CFHR1: variants seen among roughly 807,000 people sequenced by gnomAD.
CFHR1 encodes the protein complement factor H related 1, also known as complement factor H-related protein 1.
In CFHR1, 22 loss-of-function variants were observed where a neutral mutation model predicts 30.4. The ratio of observed to expected loss-of-function variants is 0.72; its 90% CI spans 0.52 to 1.03. The LOEUF (loss-of-function observed/expected upper bound fraction) is 1.03. Ranked by LOEUF, CFHR1 falls within the 50% of genes least tolerant of loss-of-function variation. CFHR1 has a pLI of 0.00. For missense variants in CFHR1, 248 were observed against 380.6 expected (o/e 0.65, Z 2.90); for synonymous variants, 95 against 129.1 (o/e 0.74, Z 1.79).
intron 4 of CFHR1, among the ~76,000 whole-genome samples, 182 bp downstream of exon 4, chr1:196,828,428 G>C (rs388134): frequency 7.5e-6 from 1 of 133,992 alleles, no homozygotes. Context: ...TATTATTTTT[G>C]AGAAAGATTC....
intron 4 of CFHR1, among the ~76,000 whole-genome samples, chr1:196,829,859 T>C (rs419436): frequency 0.98 from 130,488 of 133,152 alleles, 64,365 homozygotes; most frequent in East Asian, 1. Flanking sequence ...AGTTTTCAGG[T>C]ATCCTTTTAT....
At position 196,830,143 on chromosome 1, in the gene CFHR1, A is replaced by G. The variant is rs1482427284; in HGVS notation, c.608-357A>G. Among the ~76,000 whole-genome samples the G allele has an allele frequency of 1.1e-4, 15 of 135,376 alleles. 5 individuals carry two copies. Among genetic ancestry groups the G allele is most frequent in the Non-Finnish European group, 2.3e-4 (15 of 64,364 alleles). The allele number at this position is 135,376 out of a possible 152,430, so 88.8% of individuals were successfully genotyped here. A position where few individuals can be genotyped will look rare whatever the true frequency, so the allele number is the denominator to read the frequency against. On this transcript the variant is annotated intron_variant, in intron 4 of 5. Transcript: ENST00000320493. ...TTTTTAAGAACCATCATCAATTTCA[A>G]AACCCGTGTCCTCTTAGTGTTACTC... is the stretch of plus-strand genomic sequence containing the variant.
intron 5 of CFHR1, 81 bp downstream of exon 5, chr1:196,830,763 A>T: frequency 6.9e-6 from 10 of 1,443,896 alleles, no homozygotes; most frequent in Non-Finnish European, 8.5e-6. Context: ...AAATAATCAC[A>T]GATTATTGAA....
At position 196,828,008 on chromosome 1, in the gene CFHR1, A is replaced by G. The variant is rs1164988833; in HGVS notation, c.431-62A>G. On this transcript the variant is annotated intron_variant, in intron 3 of 5. Coordinates refer to ENST00000320493, the MANE Select transcript of CFHR1 (RefSeq NM_002113.3). ...CGTCTTGAAACATATTTGTAACTGT[A>G]TTAGTTGATTTGCTACTCAAAATGA... 6.4e-6 allele frequency: 9 copies of G among 1,395,932 alleles called. 1 individual carries two copies. In the African/African-American group the frequency reaches 9.9e-5, roughly 15 times the overall value. 86.5% of individuals were successfully genotyped at this position (1,395,932 alleles called of 1,614,324 possible).
rs1415663555 is a variant in CFHR1, at chr1:196,830,698, T to A, written c.790+16T>A. On this transcript the variant is annotated intron_variant, in intron 5 of 5. Transcript: ENST00000320493. Reference sequence around the variant, plus strand: ...AAATGCTTACGTAAGTACTTTAATATTCACGTGGCTGGAAAAATCAGTGTG... The same window carrying A: ...AAATGCTTACGTAAGTACTTTAATAATCACGTGGCTGGAAAAATCAGTGTG... 1 of 1,521,256 alleles carries A rather than the reference T, an allele frequency of 6.6e-7. No homozygotes were observed. The highest frequency in any genetic ancestry group is 1.7e-5 in the African/African-American group (1 of 57,800). The allele number at this position is 1,521,256 out of a possible 1,614,324, so 94.2% of individuals were successfully genotyped here. A position where few individuals can be genotyped will look rare whatever the true frequency, so the allele number is the denominator to read the frequency against.
rs1055884587 is a variant in CFHR1 at position 196,830,519 on chromosome 1, G to A, written c.627G>A (p.Gly209=). 2.6e-6 allele frequency: 4 copies of A among 1,524,724 alleles called. 1 individual carries two copies. The African/African-American group carries it at 6.9e-5, about 26-fold the overall frequency. 94.4% of individuals were successfully genotyped at this position (1,524,724 alleles called of 1,614,324 possible). ...TTTTAGATTCTACGGGAAAATGTGG[G>A]CCCCCTCCACCTATTGACAATGGGG... The part of the protein sequence containing the change: ...PQCKDSTGKC[G]PPPPIDNGDI... Residue 209 remains glycine (G), a synonymous_variant, in exon 5 of 6, where the codon GGG becomes GGA. Coordinates refer to ENST00000320493, the MANE Select transcript of CFHR1 (RefSeq NM_002113.3).
chr1:196,830,781 T>C, intron 5 of CFHR1, 99 bp downstream of exon 5: 2 of 1,406,572 alleles, frequency 1.4e-6, no homozygotes, highest in Non-Finnish European at 1.9e-6. Context: ...GAACAACCAT[T>C]CTGCTGAATG....
chr1:196,829,560 C>T (rs1655464145), intron 4 of CFHR1, among the ~76,000 whole-genome samples: 1 of 134,034 alleles, frequency 7.5e-6, no homozygotes, highest in Admixed American at 7.2e-5. Flanking sequence ...ATATTTACCC[C>T]TTTACTTGTA....
chr1:196,825,225 C>A, intron 1 of CFHR1: 1 of 337,168 alleles, frequency 3.0e-6, no homozygotes, highest in Non-Finnish European at 5.3e-6. Flanking sequence ...GAAGACAATG[C>A]AGGAGAGTTC....
In CFHR1 at chr1:196,829,783, T is replaced by C. The variant is rs576063073; in HGVS notation, c.608-717T>C. Among the ~76,000 whole-genome samples, 4 of 135,550 alleles carry C rather than the reference T, an allele frequency of 3.0e-5. 1 individual carries two copies. The South Asian group carries it at 1.0e-3, about 34-fold the overall frequency. 88.9% of individuals were successfully genotyped at this position (135,550 alleles called of 152,430 possible). A position where few individuals can be genotyped will look rare whatever the true frequency, so the allele number is the denominator to read the frequency against. ...TGTATATTGGTATAAATTCCAATGT[T>C]TTTATCCTCTTTGGAGTTCACTCAG... On this transcript the variant is annotated intron_variant, in intron 4 of 5. Coordinates refer to ENST00000320493, the MANE Select transcript of CFHR1 (RefSeq NM_002113.3).
At chr1:196,831,723 T>C in intron 5 of CFHR1, 74 bp from the exon 6 acceptor site, 5 of 1,409,118 alleles carry the variant, frequency 3.5e-6, no homozygotes, top group Non-Finnish European at 4.8e-6. Context: ...TATAACATTC[T>C]ACTTGAAAAC....
Position 196,828,076 on chromosome 1 carries a change from C to A in CFHR1, c.437C>A (p.Ser146Tyr). The change falls in exon 4 of 6, where the codon TCC becomes TAC. Residue 146 changes from serine (S) to tyrosine (Y), a missense_variant. Around this residue, in one of 3 missense-constraint regions of CFHR1, gnomAD observed 121 missense variants for 162.6 expected, o/e 0.74. Transcript: ENST00000320493. ...TPPKCRSTDT[S>Y]CVNPPTVQNA... ...TTCTTTTTTTTCTACTCAGACACTT[C>A]CTGTGTGAATCCGCCCACAGTACAA... 6.7e-7 allele frequency: 1 copy of A among 1,491,088 alleles called. No homozygotes were observed. The highest frequency in any genetic ancestry group is 9.0e-7 in the Non-Finnish European group (1 of 1,111,592). 92.4% of individuals were successfully genotyped at this position (1,491,088 alleles called of 1,614,324 possible).
intron 1 of CFHR1, chr1:196,820,851 T>G (rs1197711094): frequency 7.5e-6 from 1 of 133,464 alleles, no homozygotes; most frequent in African/African-American, 3.4e-5. Flanking sequence ...AAATTCATTT[T>G]TTTTTGAGAT....
intron 2 of CFHR1, 136 bp downstream of exon 2, chr1:196,825,807 T>A: frequency 1.2e-6 from 1 of 813,816 alleles, no homozygotes; most frequent in Non-Finnish European, 1.9e-6. Flanking sequence ...GTAGTCCCCC[T>A]ATTTTGAGAT....
chr1:196,822,642 C>T (rs111421201), intron 1 of CFHR1, among the ~76,000 whole-genome samples: 2,574 of 134,498 alleles, frequency 0.019, 750 homozygotes, highest in African/African-American at 0.078. Context: ...AAGGTCTTCA[C>T]GGCAGTAACA....
At chr1:196,823,771 T>C (rs971798158) in intron 1 of CFHR1, among the ~76,000 whole-genome samples, 1 of 134,792 alleles carries the variant, frequency 7.4e-6, no homozygotes, top group African/African-American at 3.2e-5. Flanking sequence ...AAATACGTAC[T>C]CAAAGATAAA....
At chr1:196,820,850 T>G (rs190484022) in intron 1 of CFHR1, 2 of 133,426 alleles carry the variant, frequency 1.5e-5, no homozygotes, top group Non-Finnish European at 3.1e-5. Context: ...GAAATTCATT[T>G]TTTTTTGAGA....
chr1:196,825,892 A>G, intron 2 of CFHR1: 1 of 407,404 alleles, frequency 2.5e-6, no homozygotes, highest in Non-Finnish European at 4.3e-6. Context: ...ACGTGTTGAA[A>G]TATATTAATT....
chr1:196,824,258 T>C (rs2124887229), intron 1 of CFHR1, among the ~76,000 whole-genome samples: 1 of 92,522 alleles, frequency 1.1e-5, no homozygotes, highest in African/African-American at 6.1e-5. Flanking sequence ...TATTTTATTT[T>C]ATTTTAATTT....
Sources: allele counts gnomAD v4.1 joint callset (sites outside exome capture counted in the v4.1 genomes callset), GRCh38; gene constraint gnomAD v4.1.1; regional missense constraint gnomAD v4.1.1; transcripts MANE v1.5; gene names NCBI Gene and HGNC (gene_info 2026-07-23, HGNC 2026-07-21).